MCF2L2: variants seen among roughly 807,000 people sequenced by gnomAD.
MCF2L2 encodes the protein probable guanine nucleotide exchange factor MCF2L2.
MCF2L2 carries 102 observed loss-of-function variants against 150.2 expected under a neutral mutation model. That is an observed-to-expected ratio of 0.68 (90% CI 0.58 to 0.80). The LOEUF is 0.80. MCF2L2 is among the 30% of genes least tolerant of loss of function. The probability of loss-of-function intolerance (pLI) is 0.00; values close to 1 mark genes in which losing one functional copy is unlikely to be tolerated. For synonymous variants in MCF2L2, 465 were observed against 491.3 expected (o/e 0.95, Z 0.71); for missense variants, 1,256 against 1,372.8 (o/e 0.91, Z 1.34).
At position 183,207,784 on chromosome 3, in the gene MCF2L2, G is replaced by A. The variant is rs1722550907; in HGVS notation, c.2536C>T (p.Pro846Ser). 1 of 1,614,070 alleles carries A rather than the reference G, an allele frequency of 6.2e-7. No individual in the cohort carries two copies. Among genetic ancestry groups the A allele is most frequent in the Non-Finnish European group, 8.5e-7 (1 of 1,180,028 alleles). ...GKLGKLLLHG[P>S]FSVWTIHKDR... ...TTGTGAATTGTCCAGACGCTGAAAG[G>A]GCCGTGCAGCAACAGCTTGCCTAGT... Residue 846 changes from proline to serine, a missense_variant, in exon 23 of 30, where the codon CCT (proline) becomes TCT (serine). Coordinates refer to ENST00000328913, the MANE Select transcript of MCF2L2 (RefSeq NM_015078.4).
intron 14 of MCF2L2, among the ~76,000 whole-genome samples, chr3:183,277,945 G>A (rs1727253753): frequency 6.7e-6 from 1 of 148,912 alleles, no homozygotes; most frequent in South Asian, 2.1e-4. Context: ...AGCACTTTAG[G>A]AGGCTGAGGT....
At chr3:183,239,090 G>C (rs914216965) in intron 15 of MCF2L2, among the ~76,000 whole-genome samples, 1 of 151,532 alleles carries the variant, frequency 6.6e-6, no homozygotes, top group African/African-American at 2.4e-5. Flanking sequence ...AACACTGGGA[G>C]TATTCAAGTA....
chr3:183,318,153 C>A lies in MCF2L2; in HGVS notation c.668G>T (p.Cys223Phe). The A allele has an allele frequency of 6.2e-7, 1 of 1,614,190 alleles. No homozygotes were observed. Among genetic ancestry groups the A allele is most frequent in the Non-Finnish European group, 8.5e-7 (1 of 1,180,030 alleles). The change falls in exon 7 of 30, where the codon TGC becomes TTC. Residue 223 changes from cysteine to phenylalanine, a missense_variant. By Grantham distance (205) the Cys-to-Phe change is radical (BLOSUM62 -2). Transcript: ENST00000328913. ...TAQMLQTFGS[C>F]LATAELPRSM... ...TCTGGGCAGCTCTGCTGTGGCCAGG[C>A]AGGACCCAAACGTCTGCAGCATCTG...
intron 15 of MCF2L2, among the ~76,000 whole-genome samples, chr3:183,241,786 T>G (rs1724036635): frequency 6.6e-6 from 1 of 151,868 alleles, no homozygotes. Context: ...CAGGCAGAGG[T>G]TGAAACAGTT....
intron 27 of MCF2L2, among the ~76,000 whole-genome samples, chr3:183,180,775 A>G (rs116810851): frequency 0.014 from 2,072 of 152,336 alleles, 48 homozygotes; most frequent in African/African-American, 0.047. Context: ...TATGTTAGGC[A>G]TTTGTCAAAG....
chr3:183,311,874 G>A, intron 7 of MCF2L2, 102 bp from the exon 8 acceptor site: 1 of 1,026,768 alleles, frequency 9.7e-7, no homozygotes, highest in Admixed American at 3.0e-5. Flanking sequence ...TTTCATTTAG[G>A]AAATTAAATG....
chr3:183,289,283 C>CCAAA, intron 13 of MCF2L2, 63 bp from the exon 14 acceptor site: 3 of 1,111,394 alleles, frequency 2.7e-6, no homozygotes, highest in Non-Finnish European at 4.1e-6. Flanking sequence ...TGCACTTTGT[C>CCAAA]TGATTTGGAC....
chr3:183,327,223 G>T (rs1231940255), intron 5 of MCF2L2, among the ~76,000 whole-genome samples: 4 of 152,132 alleles, frequency 2.6e-5, no homozygotes, highest in African/African-American at 9.7e-5. Context: ...TACTTGGGAG[G>T]CTGAGGCAGG....
rs1463184247 is a variant in MCF2L2, at chr3:183,311,654, A to T, written c.872T>A (p.Met291Lys). 3 of 1,613,816 alleles carry T rather than the reference A, an allele frequency of 1.9e-6. No individual in the cohort carries two copies. The highest frequency in any genetic ancestry group is 3.3e-5 in the Admixed American group (2 of 59,958). ...NLNQLENVTTMERLLVQLDET... is the reference protein window; with the variant it reads ...NLNQLENVTTKERLLVQLDET... ...TTCCACTTCACTCACTCACCTTTCC[A>T]TGGTAGTTACATTCTCAAGTTGGTT... The change falls in exon 8 of 30, where the codon ATG (methionine) becomes AAG (lysine). Residue 291 changes from methionine to lysine, a missense_variant. Met to Lys is a moderately conservative substitution (Grantham distance 95). Transcript: ENST00000328913.
intron 10 of MCF2L2, among the ~76,000 whole-genome samples, chr3:183,303,391 TC>T (rs1209648393): frequency 1.2e-4 from 18 of 151,920 alleles, no homozygotes; most frequent in African/African-American, 4.1e-4. Flanking sequence ...TTCCAAAAGG[TC>T]TCCAGGAGCA....
intron 1 of MCF2L2, among the ~76,000 whole-genome samples, chr3:183,389,987 G>A (rs1714050206): frequency 6.6e-6 from 1 of 152,120 alleles, no homozygotes; most frequent in Non-Finnish European, 1.5e-5. Flanking sequence ...TCTGAGCGTG[G>A]AACACATTTC....
At chr3:183,425,816 G>T (rs61271846) in intron 1 of MCF2L2, among the ~76,000 whole-genome samples, 23,099 of 152,128 alleles carry the variant, frequency 0.15, 2,693 homozygotes, top group African/African-American at 0.33. Context: ...TTAGCCGGGC[G>T]TGGTGGCACA....
chr3:183,371,395 G>A (rs1198058275), intron 3 of MCF2L2, among the ~76,000 whole-genome samples: 2 of 151,990 alleles, frequency 1.3e-5, no homozygotes, highest in African/African-American at 4.8e-5. Context: ...AACTCCACGG[G>A]TGAGGGGGGT....
chr3:183,242,434 G>C (rs1002613345), intron 15 of MCF2L2, among the ~76,000 whole-genome samples: 2 of 152,248 alleles, frequency 1.3e-5, no homozygotes, highest in African/African-American at 4.8e-5. Flanking sequence ...GCTCTATGCA[G>C]TCTAGGGACT....
chr3:183,302,187 G>A (rs150203979), intron 10 of MCF2L2, among the ~76,000 whole-genome samples: 5 of 152,320 alleles, frequency 3.3e-5, no homozygotes, highest in Non-Finnish European at 7.3e-5. Flanking sequence ...TAAGAAGCTT[G>A]TGCCTGGTTT....
At chr3:183,382,839 A>G (rs112051723) in intron 2 of MCF2L2, among the ~76,000 whole-genome samples, 8 of 152,348 alleles carry the variant, frequency 5.3e-5, no homozygotes, top group East Asian at 1.9e-4. Flanking sequence ...CCCTGGTGAT[A>G]GCTGGCATGA....
At chr3:183,229,460 T>C (rs1468111084) in intron 17 of MCF2L2, among the ~76,000 whole-genome samples, 1 of 152,196 alleles carries the variant, frequency 6.6e-6, no homozygotes, top group Non-Finnish European at 1.5e-5. Context: ...TCCCTGTTCC[T>C]TTGATGTCTC....
chr3:183,341,430 C>T, intron 4 of MCF2L2, 110 bp downstream of exon 4: 1 of 846,056 alleles, frequency 1.2e-6, no homozygotes, highest in Non-Finnish European at 1.9e-6. Context: ...CAAAGACCTT[C>T]CCAAAATTTG....
chr3:183,179,648 G>T lies in MCF2L2; in HGVS notation c.3150C>A (p.Ser1050=). The T allele has an allele frequency of 6.2e-7, 1 of 1,614,180 alleles. No individual in the cohort carries two copies. The highest frequency in any genetic ancestry group is 8.5e-7 in the Non-Finnish European group (1 of 1,180,002). The change falls in exon 29 of 30, where the codon TCC becomes TCA. Residue 1050 remains serine, a synonymous_variant. Transcript: ENST00000328913. The surrounding 1 kb of genome is among the most constrained non-coding windows in gnomAD (Gnocchi z 4.2). ...FQSDDSHETC[S]SKSAFLERGE... is the part of the protein sequence containing the mutation. ...CCCTCTCCAGGAAAGCAGATTTGGAGGAACAGGTTTCGTGACTGTCGTCCG... is the reference window on the plus strand; with the variant it reads ...CCCTCTCCAGGAAAGCAGATTTGGATGAACAGGTTTCGTGACTGTCGTCCG...
Sources: allele counts gnomAD v4.1 joint callset (sites outside exome capture counted in the v4.1 genomes callset), GRCh38; gene constraint gnomAD v4.1.1; non-coding constraint Gnocchi (gnomAD v3.1); transcripts MANE v1.5; gene names NCBI Gene and HGNC (gene_info 2026-07-23, HGNC 2026-07-21).